FAT3: variants seen among roughly 807,000 people sequenced by gnomAD.
FAT3 encodes the protein FAT atypical cadherin 3.
Under a neutral mutation model 310.2 loss-of-function variants are expected in FAT3, and 95 were observed. That is an observed-to-expected ratio of 0.31 (90% confidence interval 0.26 to 0.36). FAT3 has a LOEUF of 0.36. Ranked by LOEUF, FAT3 falls within the 10% of genes least tolerant of loss-of-function variation. The probability of loss-of-function intolerance (pLI) is 1.00; values close to 1 mark genes in which losing one functional copy is unlikely to be tolerated. For synonymous variants in FAT3, 2,314 were observed against 2,192.9 expected (o/e 1.06, Z -1.54); for missense variants, 5,408 against 5,715.6 (o/e 0.95, Z 1.74).
chr11:92,670,248 T>C (rs1399662562), intron 3 of FAT3, among the ~76,000 whole-genome samples: 1 of 152,222 alleles, frequency 6.6e-6, no homozygotes, highest in Non-Finnish European at 1.5e-5. Flanking sequence ...ATGTTTGTGA[T>C]AGGGAGGTTT....
chr11:92,318,992 C>T (rs554385013), intron 1 of FAT3, among the ~76,000 whole-genome samples: 1 of 152,278 alleles, frequency 6.6e-6, no homozygotes, highest in South Asian at 2.1e-4. Context: ...GCAATAAACA[C>T]AACAAACATC....
At chr11:92,385,870 G>A (rs527347475) in intron 2 of FAT3, among the ~76,000 whole-genome samples, 1 of 152,234 alleles carries the variant, frequency 6.6e-6, no homozygotes, top group African/African-American at 2.4e-5. Flanking sequence ...AAATTGGTCA[G>A]GTGCAGTGGC....
intron 2 of FAT3, among the ~76,000 whole-genome samples, chr11:92,366,246 A>C (rs1382132335): frequency 6.6e-6 from 1 of 152,208 alleles, no homozygotes; most frequent in Non-Finnish European, 1.5e-5. Context: ...CTCTTGGACA[A>C]GGAGAGCTTT....
intron 3 of FAT3, among the ~76,000 whole-genome samples, chr11:92,534,658 G>A (rs1159656295): frequency 6.6e-6 from 1 of 152,070 alleles, no homozygotes; most frequent in East Asian, 1.9e-4. Flanking sequence ...TCAGTGACTG[G>A]TGTCCTCATA....
chr11:92,246,786 A>G (rs1213303405), intron 1 of FAT3, among the ~76,000 whole-genome samples: 3 of 152,128 alleles, frequency 2.0e-5, no homozygotes, highest in Non-Finnish European at 4.4e-5. Context: ...ACACTGTTAT[A>G]TGGAACTTCC....
chr11:92,870,187 G>A (rs193106625), intron 22 of FAT3, among the ~76,000 whole-genome samples: 1 of 152,252 alleles, frequency 6.6e-6, no homozygotes, highest in East Asian at 1.9e-4. Context: ...TGTTAAAGCA[G>A]GCAACACACA....
rs1452230088 is a variant in FAT3 at position 92,896,049 on chromosome 11, G to A, written c.*4936G>A. The A allele has an allele frequency of 6.6e-6, 1 of 152,006 alleles. No homozygotes were observed. The highest frequency in any genetic ancestry group is 1.5e-5 in the Non-Finnish European group (1 of 67,980). The allele number at this position is 152,006 out of a possible 1,614,324, so 9.4% of individuals were successfully genotyped here. A position where few individuals can be genotyped will look rare whatever the true frequency, so the allele number is the denominator to read the frequency against. On this transcript the variant is annotated 3_prime_UTR_variant, in exon 28 of 28. Transcript: ENST00000525166. ...ACTTTCTCTGTTTTCAAGAAAAATT[G>A]TCTTTATTGACATTTGTAAAAAAGA...
At chr11:92,584,336 T>A (rs1260109501) in intron 3 of FAT3, among the ~76,000 whole-genome samples, 2 of 152,046 alleles carry the variant, frequency 1.3e-5, no homozygotes, top group African/African-American at 2.4e-5. Flanking sequence ...TTCTTCATAT[T>A]TTTAATCATT....
chr11:92,822,925 T>C (rs917418086), intron 13 of FAT3, among the ~76,000 whole-genome samples: 1 of 152,210 alleles, frequency 6.6e-6, no homozygotes, highest in African/African-American at 2.4e-5. Context: ...TGTAATGCCC[T>C]TTCTTCTTGT....
chr11:92,491,309 A>C (rs910660639), intron 2 of FAT3, among the ~76,000 whole-genome samples: 1 of 151,974 alleles, frequency 6.6e-6, no homozygotes, highest in Non-Finnish European at 1.5e-5. Context: ...GCCAGGTACT[A>C]TGGGTATCTA....
intron 2 of FAT3, among the ~76,000 whole-genome samples, chr11:92,483,278 TG>T (rs770272982): frequency 6.6e-6 from 1 of 152,156 alleles, no homozygotes; most frequent in Non-Finnish European, 1.5e-5. Context: ...ATAATCTTTC[TG>T]TACTTCACCT....
At chr11:92,782,917 C>T (rs981231621) in intron 7 of FAT3, among the ~76,000 whole-genome samples, 3 of 152,172 alleles carry the variant, frequency 2.0e-5, no homozygotes, top group African/African-American at 7.2e-5. Context: ...TCCCTTCATC[C>T]TGAACCTACT....
intron 13 of FAT3, among the ~76,000 whole-genome samples, chr11:92,828,022 C>T (rs1356052784): frequency 2.0e-5 from 3 of 152,106 alleles, no homozygotes; most frequent in Non-Finnish European, 4.4e-5. Flanking sequence ...TAGTTAAAAA[C>T]ACAGAGGCAA....
rs1296801839 is a variant in FAT3 at position 92,373,036 on chromosome 11, G to A, written c.3292+17632G>A. On this transcript the variant is annotated intron_variant, in intron 2 of 27. Coordinates refer to ENST00000525166, the MANE Select transcript of FAT3 (RefSeq NM_001367949.2). Reference sequence around the variant, plus strand: ...CAGAGTGCTATTTTATGGAATGTACGTGTATGAATTCATGAGCTGGAAATT... The same window carrying A: ...CAGAGTGCTATTTTATGGAATGTACATGTATGAATTCATGAGCTGGAAATT... Among the ~76,000 whole-genome samples, 5 of 152,212 alleles carry A rather than the reference G, an allele frequency of 3.3e-5. 1 individual carries two copies. In the Middle Eastern group the frequency reaches 0.01, roughly 311 times the overall value.
chr11:92,605,057 G>T (rs1940208173), intron 3 of FAT3, among the ~76,000 whole-genome samples: 1 of 152,146 alleles, frequency 6.6e-6, no homozygotes, highest in African/African-American at 2.4e-5. Context: ...ACAGATTTGT[G>T]TCCTGATGAA....
intron 2 of FAT3, among the ~76,000 whole-genome samples, chr11:92,376,701 C>CT (rs1949356097): frequency 6.6e-6 from 1 of 152,066 alleles, no homozygotes; most frequent in African/African-American, 2.4e-5. Context: ...ATCCCAGAAT[C>CT]CCTCACTTTG....
At chr11:92,387,664 A>C (rs1455146158) in intron 2 of FAT3, among the ~76,000 whole-genome samples, 2 of 152,150 alleles carry the variant, frequency 1.3e-5, no homozygotes, top group East Asian at 1.9e-4. Context: ...TGTGGTGTGC[A>C]TGGAATGGTG....
At chr11:92,300,653 A>G (rs1946975173) in intron 1 of FAT3, among the ~76,000 whole-genome samples, 1 of 152,074 alleles carries the variant, frequency 6.6e-6, no homozygotes, top group Admixed American at 6.6e-5. Context: ...TTCATGGCAT[A>G]TGTCGCTATG....
intron 3 of FAT3, among the ~76,000 whole-genome samples, chr11:92,667,880 A>G (rs1025562649): frequency 6.6e-6 from 1 of 152,174 alleles, no homozygotes; most frequent in Non-Finnish European, 1.5e-5. Context: ...CTCTCATATA[A>G]AAGTGGATCA....
Sources: gnomAD v4.1 joint callset for allele counts (sites outside exome capture counted in the v4.1 genomes callset) on GRCh38, gnomAD v4.1.1 for gene constraint, MANE v1.5 for transcripts, NCBI Gene and HGNC (gene_info 2026-07-23, HGNC 2026-07-21) for gene names.